The following CENPI variants were observed in gnomAD, a reference collection of about 807,000 sequenced individuals.
The protein encoded by CENPI is FSH primary response 1.
CENPI carries 4 observed loss-of-function variants against 60.4 expected under a neutral mutation model. That is an observed-to-expected ratio of 0.07 (90% CI 0.03 to 0.15). The LOEUF (loss-of-function observed/expected upper bound fraction) is 0.15. Ranked by LOEUF, CENPI falls within the 10% of genes least tolerant of loss-of-function variation. The pLI is 1.00. For synonymous variants in CENPI, 157 were observed against 189.4 expected (o/e 0.83, Z 1.40); for missense variants, 444 against 534.5 (o/e 0.83, Z 1.67).
intron 20 of CENPI, among the ~76,000 whole-genome samples, chrX:101,153,545 C>T (rs1486173549): frequency 9.0e-6 from 1 of 111,272 alleles, no homozygotes; most frequent in African/African-American, 3.3e-5. Context: ...GGTTGGCCTC[C>T]CAGAGTGCTG....
intron 8 of CENPI, among the ~76,000 whole-genome samples, chrX:101,121,802 CTTT>C (rs746498873): frequency 5.0e-5 from 4 of 79,644 alleles, no homozygotes; most frequent in Admixed American, 1.5e-4. Context: ...TCTAGGAAAG[CTTT>C]TTTTTTTTTT....
intron 20 of CENPI, among the ~76,000 whole-genome samples, chrX:101,154,443 A>G (rs1301210420): frequency 9.0e-6 from 1 of 110,583 alleles, no homozygotes. Flanking sequence ...GCGTGGTGGC[A>G]TGCACCTGTA....
chrX:101,157,245 C>A (rs1222679386), intron 20 of CENPI, among the ~76,000 whole-genome samples: 1 of 111,540 alleles, frequency 9.0e-6, no homozygotes, highest in African/African-American at 3.3e-5. Context: ...CTATAATGTA[C>A]ATATATGTGT....
chrX:101,137,883 G>T (rs1364075346), intron 15 of CENPI, among the ~76,000 whole-genome samples: 2 of 97,389 alleles, frequency 2.1e-5, no homozygotes, highest in Non-Finnish European at 4.1e-5. Context: ...AGTGGAGTAG[G>T]TCAGGCAGAG....
At chrX:101,108,316 T>C (rs2089508554) in intron 4 of CENPI, among the ~76,000 whole-genome samples, 1 of 110,650 alleles carries the variant, frequency 9.0e-6, no homozygotes, top group Non-Finnish European at 1.9e-5. Flanking sequence ...GCTCAAGCAG[T>C]CCTCCGGCCT....
chrX:101,120,628 T>C (rs1272386955), intron 7 of CENPI, 110 bp from the exon 8 acceptor site: 13 of 770,736 alleles, frequency 1.7e-5, no homozygotes, highest in African/African-American at 4.1e-5. Flanking sequence ...ATTTATTTCC[T>C]TGATATGTTA....
chrX:101,139,451 TTAAAAA>T (rs1336881961), intron 15 of CENPI, among the ~76,000 whole-genome samples: 1 of 111,819 alleles, frequency 8.9e-6, no homozygotes, highest in African/African-American at 3.2e-5. Context: ...CCCACAAAAA[TTAAAAA>T]TAAAATATTA....
At chrX:101,110,044 G>T in intron 6 of CENPI, 46 bp downstream of exon 6, 1 of 749,465 alleles carries the variant, frequency 1.3e-6, no homozygotes, top group Non-Finnish European at 2.0e-6. Context: ...AATAGTACAT[G>T]TGTGTATATT....
At chrX:101,121,960 G>A (rs1199337045) in intron 8 of CENPI, among the ~76,000 whole-genome samples, 2 of 107,927 alleles carry the variant, frequency 1.9e-5, no homozygotes, top group Non-Finnish European at 3.8e-5. Flanking sequence ...GCACCACCAC[G>A]CCAGGCTAAT....
chrX:101,127,342 GGA>G, intron 10 of CENPI, 76 bp downstream of exon 10: 11 of 1,018,130 alleles, frequency 1.1e-5, no homozygotes, highest in Non-Finnish European at 1.4e-5. Flanking sequence ...AGATCTTAGA[GGA>G]GATTATAGAT....
At chrX:101,125,983 C>A (rs772629001) in intron 8 of CENPI, among the ~76,000 whole-genome samples, 1 of 111,058 alleles carries the variant, frequency 9.0e-6, no homozygotes, top group African/African-American at 3.3e-5. Flanking sequence ...TAAACTGGGT[C>A]ATTTTGGTTT....
chrX:101,119,955 G>A (rs1481175116), intron 6 of CENPI, among the ~76,000 whole-genome samples: 4 of 111,175 alleles, frequency 3.6e-5, no homozygotes, highest in Admixed American at 9.6e-5. Context: ...AGGAGTTAGA[G>A]ACCAGCCTGG....
chrX:101,108,614 A>G (rs1248600078), intron 4 of CENPI, among the ~76,000 whole-genome samples: 2 of 109,205 alleles, frequency 1.8e-5, no homozygotes, highest in Non-Finnish European at 3.8e-5. Context: ...TATTTTTTAA[A>G]TAGAAATATT....
intron 6 of CENPI, among the ~76,000 whole-genome samples, chrX:101,113,609 C>T (rs369113315): frequency 2.9e-4 from 32 of 111,903 alleles, no homozygotes; most frequent in African/African-American, 9.1e-4. Flanking sequence ...CACGCCTGGC[C>T]GATACTATTT....
At chrX:101,160,103 G>A (rs2090093685) in intron 20 of CENPI, among the ~76,000 whole-genome samples, 1 of 112,135 alleles carries the variant, frequency 8.9e-6, no homozygotes, top group African/African-American at 3.2e-5. Flanking sequence ...ATCATTGTCA[G>A]TCAGGTAGGA....
chrX:101,178,398 C>CTTTTTTTTTTTTTTTTTTTTTTTT, the CENPI span, among the ~76,000 whole-genome samples: 24 of 39,971 alleles, frequency 6.0e-4, 2 homozygotes, highest in African/African-American at 8.7e-4. Flanking sequence ...TTTTCTTCTT[C>CTTTTTTTTTTTTTTTTTTTTTTTT]TTTTTTTTTT....
intron 21 of CENPI, 39 bp downstream of exon 21, chrX:101,161,608 A>T: frequency 9.0e-7 from 1 of 1,108,466 alleles, no homozygotes. Context: ...GGGATTTCAT[A>T]CAGCTTAATT....
At chrX:101,147,388 C>G (rs775304139) in intron 18 of CENPI, among the ~76,000 whole-genome samples, 2 of 109,525 alleles carry the variant, frequency 1.8e-5, no homozygotes, top group East Asian at 5.8e-4. Flanking sequence ...TCCCCTTGAC[C>G]CCCGACCCCC....
At chrX:101,109,448 T>C in intron 4 of CENPI, 25 bp from the exon 5 acceptor site, 1 of 1,075,460 alleles carries the variant, frequency 9.3e-7, no homozygotes, top group Non-Finnish European at 1.3e-6. Flanking sequence ...AAAATGTAGT[T>C]TAATTTAGCT....
Sources: allele counts gnomAD v4.1 joint callset (sites outside exome capture counted in the v4.1 genomes callset), GRCh38; gene constraint gnomAD v4.1.1; transcripts MANE v1.5; gene names NCBI Gene and HGNC (gene_info 2026-07-23, HGNC 2026-07-21).